The following ZDHHC14 variants were observed in gnomAD, a reference collection of about 807,000 sequenced individuals.
The protein encoded by ZDHHC14 is palmitoyltransferase ZDHHC14.
A neutral mutation model predicts 47.7 loss-of-function variants in ZDHHC14; 16 were observed. The observed-to-expected ratio is 0.34, with a 90% CI of 0.23 to 0.51. The LOEUF (loss-of-function observed/expected upper bound fraction) is 0.51. ZDHHC14 is among the 20% of genes least tolerant of loss of function. ZDHHC14 has a pLI of 0.97. For missense variants in ZDHHC14, 515 were observed against 662.5 expected, an observed-to-expected ratio of 0.78 and a Z score of 2.44; for synonymous variants, 293 against 278.9, an observed-to-expected ratio of 1.05 and a Z score of -0.50.
At chr6:157,638,808 G>A (rs1777106121) in intron 5 of ZDHHC14, among the ~76,000 whole-genome samples, 1 of 152,208 alleles carries the variant, frequency 6.6e-6, no homozygotes, top group African/African-American at 2.4e-5. Flanking sequence ...CTTGGGGTGG[G>A]GTGTCCTGCA....
chr6:157,653,752 C>T, intron 8 of ZDHHC14, 125 bp downstream of exon 8: 2 of 835,774 alleles, frequency 2.4e-6, no homozygotes. Context: ...GCCGCCCACC[C>T]CATGACTACT....
At chr6:157,538,486 G>A (rs1248522624) in intron 1 of ZDHHC14, among the ~76,000 whole-genome samples, 2 of 152,128 alleles carry the variant, frequency 1.3e-5, no homozygotes, top group South Asian at 2.1e-4. Flanking sequence ...TTCACTAAAT[G>A]GATTCTATTC....
At chr6:157,535,049 G>A (rs1781495522) in intron 1 of ZDHHC14, among the ~76,000 whole-genome samples, 3 of 152,206 alleles carry the variant, frequency 2.0e-5, no homozygotes, top group Non-Finnish European at 4.4e-5. Flanking sequence ...CCCAGGTCCT[G>A]TATCTTAAGT....
At chr6:157,479,313 A>T (rs1779565141) in intron 1 of ZDHHC14, among the ~76,000 whole-genome samples, 1 of 152,254 alleles carries the variant, frequency 6.6e-6, no homozygotes, top group African/African-American at 2.4e-5. Context: ...TCCTAAGTGC[A>T]GTGTAACAGT....
chr6:157,633,150 T>C (rs1776793718), intron 5 of ZDHHC14, among the ~76,000 whole-genome samples: 1 of 152,056 alleles, frequency 6.6e-6, no homozygotes, highest in Admixed American at 6.5e-5. Context: ...TTCAGTCAGG[T>C]TGGTTTGGGG....
intron 2 of ZDHHC14, among the ~76,000 whole-genome samples, chr6:157,569,865 G>A (rs1783034905): frequency 6.6e-6 from 1 of 151,764 alleles, no homozygotes; most frequent in Non-Finnish European, 1.5e-5. Context: ...CTTCTTTGTA[G>A]TTTCCAACTG....
intron 1 of ZDHHC14, among the ~76,000 whole-genome samples, chr6:157,417,758 A>G (rs1778011745): frequency 6.6e-6 from 1 of 152,116 alleles, no homozygotes; most frequent in Non-Finnish European, 1.5e-5. Context: ...AGGCGGGCGG[A>G]TCACGCTAAT....
chr6:157,629,036 T>C (rs1562516928), intron 4 of ZDHHC14, among the ~76,000 whole-genome samples: 1 of 152,216 alleles, frequency 6.6e-6, no homozygotes, highest in Non-Finnish European at 1.5e-5. Context: ...TGACAAGATG[T>C]TTACGTATCT....
At chr6:157,450,354 T>G (rs1778775630) in intron 1 of ZDHHC14, among the ~76,000 whole-genome samples, 1 of 151,966 alleles carries the variant, frequency 6.6e-6, no homozygotes, top group African/African-American at 2.4e-5. Context: ...TAAGCATTAA[T>G]AAAGAAACAA....
chr6:157,678,157 A>G lies in ZDHHC14; in HGVS notation c.*5035A>G, dbSNP rs1779001890. On this transcript the variant is annotated 3_prime_UTR_variant, in exon 9 of 9. Transcript: ENST00000359775. ...AAACTGCTAATGGCATAAAATGTAA[A>G]TTTCAGCCTTTATAAGGTAGATATC... 1 of 152,224 alleles carries G rather than the reference A, an allele frequency of 6.6e-6. No homozygotes were observed. Among genetic ancestry groups the G allele is most frequent in the Non-Finnish European group, 1.5e-5 (1 of 68,044 alleles). 9.4% of individuals were successfully genotyped at this position (152,224 alleles called of 1,614,324 possible). A position where few individuals can be genotyped will look rare whatever the true frequency, so the allele number is the denominator to read the frequency against.
intron 3 of ZDHHC14, among the ~76,000 whole-genome samples, chr6:157,616,952 T>A (rs1784991385): frequency 6.6e-6 from 1 of 152,148 alleles, no homozygotes; most frequent in Non-Finnish European, 1.5e-5. Flanking sequence ...GATCTCAGAT[T>A]ATGGACCATC....
intron 8 of ZDHHC14, among the ~76,000 whole-genome samples, chr6:157,666,085 C>G (rs1778543890): frequency 6.6e-6 from 1 of 152,336 alleles, no homozygotes; most frequent in Admixed American, 6.5e-5. Context: ...CTCACGACAT[C>G]CAGTTATGAT....
intron 1 of ZDHHC14, among the ~76,000 whole-genome samples, chr6:157,499,756 T>C (rs1380841019): frequency 6.6e-6 from 1 of 152,232 alleles, no homozygotes; most frequent in Non-Finnish European, 1.5e-5. Context: ...CACCTGCTTA[T>C]CATAATGGTC....
intron 1 of ZDHHC14, among the ~76,000 whole-genome samples, chr6:157,409,960 C>T (rs972846325): frequency 1.3e-5 from 2 of 152,110 alleles, no homozygotes; most frequent in African/African-American, 4.8e-5. Context: ...TCCCGAGTAG[C>T]TGGGACTACA....
intron 3 of ZDHHC14, among the ~76,000 whole-genome samples, chr6:157,625,330 G>C (rs1456620606): frequency 1.3e-5 from 2 of 152,142 alleles, no homozygotes; most frequent in Non-Finnish European, 2.9e-5. Flanking sequence ...GTCTGAAGAG[G>C]CACGTGTTTG....
chr6:157,596,612 A>G (rs1246618811), intron 3 of ZDHHC14, among the ~76,000 whole-genome samples: 1 of 152,208 alleles, frequency 6.6e-6, no homozygotes, highest in Admixed American at 6.5e-5. Flanking sequence ...CTGAGAACAC[A>G]CAGGCCAGGG....
chr6:157,632,850 A>G lies in ZDHHC14; in HGVS notation c.720A>G (p.Gly240=). ...TTCCCACAGGTTCACAGCAAACAGG[A>G]TTCCTAAATGCCCTTAAGGACAGTC... ...THVILRSQQT[G]FLNALKDSPA... The change falls in exon 5 of 9, where the codon GGA becomes GGG. Residue 240 remains glycine (G), a synonymous_variant. Coordinates refer to ENST00000359775, the MANE Select transcript of ZDHHC14 (RefSeq NM_024630.3). 6.2e-7 allele frequency: 1 copy of G among 1,614,212 alleles called. No individual in the cohort carries two copies. The highest frequency in any genetic ancestry group is 8.5e-7 in the Non-Finnish European group (1 of 1,180,032).
rs199774241 is a variant in ZDHHC14 at position 157,673,093 on chromosome 6, C to T, written c.1438C>T (p.Arg480Cys). 17 of 1,573,556 alleles carry T rather than the reference C, an allele frequency of 1.1e-5. No homozygotes were observed. The highest frequency in any genetic ancestry group is 2.3e-5 in the South Asian group (2 of 87,044). ...SQDSLHEDSV[R>C]GLVKLSSV ...GGACTCCCTGCATGAGGACTCTGTG[C>T]GCGGCCTGGTGAAGCTCAGCTCCGT... The change falls in exon 9 of 9, where the codon CGC (arginine) becomes TGC (cysteine). Residue 480 changes from arginine to cysteine, a missense_variant. Transcript: ENST00000359775. The surrounding 1 kb of genome is among the most constrained non-coding windows in gnomAD (Gnocchi z 5.4).
chr6:157,429,908 A>G (rs946269483), intron 1 of ZDHHC14, among the ~76,000 whole-genome samples: 10 of 152,184 alleles, frequency 6.6e-5, no homozygotes, highest in Non-Finnish European at 1.2e-4. Context: ...GAGAATCTTC[A>G]GGAGGGAAGG....
Sources: gnomAD v4.1 joint callset for allele counts (sites outside exome capture counted in the v4.1 genomes callset) on GRCh38, gnomAD v4.1.1 for gene constraint, Gnocchi (gnomAD v3.1) non-coding constraint, MANE v1.5 for transcripts, NCBI Gene and HGNC (gene_info 2026-07-23, HGNC 2026-07-21) for gene names.